The following PPFIBP1 variants were observed in gnomAD, a reference collection of about 807,000 sequenced individuals.
The protein encoded by PPFIBP1 is liprin-beta-1.
Under a neutral mutation model 137.8 loss-of-function variants are expected in PPFIBP1, and 112 were observed. That is an observed-to-expected ratio of 0.81 (90% confidence interval 0.70 to 0.95). The LOEUF (loss-of-function observed/expected upper bound fraction) is 0.95. Among genes scored for constraint, PPFIBP1 ranks in the 40% least tolerant of loss-of-function variants. The pLI, the probability that PPFIBP1 is intolerant of heterozygous loss-of-function variation, is 0.00. For missense variants in PPFIBP1, 1,083 were observed against 1,196.6 expected (o/e 0.91, Z 1.40); for synonymous variants, 378 against 417.3 (o/e 0.91, Z 1.15).
At chr12:27,625,489 T>C (rs1403888146) in intron 2 of PPFIBP1, among the ~76,000 whole-genome samples, 7 of 151,994 alleles carry the variant, frequency 4.6e-5, no homozygotes, top group Non-Finnish European at 1.0e-4. Flanking sequence ...TTAATAACCT[T>C]AGAATGACAG....
intron 1 of PPFIBP1, among the ~76,000 whole-genome samples, chr12:27,529,805 A>G (rs755092088): frequency 3.3e-5 from 5 of 152,238 alleles, no homozygotes; most frequent in Non-Finnish European, 5.9e-5. Context: ...TTTGGGGAAG[A>G]ACTAGGTAGG....
intron 1 of PPFIBP1, chr12:27,549,219 A>G (rs974258284): frequency 3.7e-5 from 5 of 136,340 alleles, no homozygotes; most frequent in African/African-American, 1.2e-4. Context: ...TATGTGCACC[A>G]TTTCTTCTGC....
chr12:27,595,889 ATATATAT>A (rs1231562132), intron 2 of PPFIBP1, among the ~76,000 whole-genome samples: 1,375 of 89,026 alleles, frequency 0.015, 13 homozygotes, highest in South Asian at 0.049. Flanking sequence ...ACAACAAAAT[ATATATAT>A]ATATATATAT....
chr12:27,621,343 G>A (rs1248324564), intron 2 of PPFIBP1, among the ~76,000 whole-genome samples: 1 of 152,192 alleles, frequency 6.6e-6, no homozygotes, highest in Non-Finnish European at 1.5e-5. Flanking sequence ...ATAATTTTTG[G>A]CTTTACTTTC....
At chr12:27,642,009 G>T (rs889335419) in intron 4 of PPFIBP1, among the ~76,000 whole-genome samples, 6 of 150,922 alleles carry the variant, frequency 4.0e-5, no homozygotes, top group Non-Finnish European at 8.9e-5. Flanking sequence ...AGATGGTGAA[G>T]GGAAAAGTAG....
intron 6 of PPFIBP1, among the ~76,000 whole-genome samples, chr12:27,649,183 G>A (rs2058725695): frequency 6.6e-6 from 1 of 152,162 alleles, no homozygotes; most frequent in South Asian, 2.1e-4. Flanking sequence ...TAAGGTCATG[G>A]ATGGAGTATG....
chr12:27,578,644 G>A (rs2050780115), intron 2 of PPFIBP1, among the ~76,000 whole-genome samples: 1 of 152,150 alleles, frequency 6.6e-6, no homozygotes, highest in Non-Finnish European at 1.5e-5. Flanking sequence ...AGTAGGCTTA[G>A]AATATGAGGT....
chr12:27,573,070 A>G (rs2050270608), intron 1 of PPFIBP1, among the ~76,000 whole-genome samples: 1 of 152,210 alleles, frequency 6.6e-6, no homozygotes, highest in Non-Finnish European at 1.5e-5. Context: ...CATGTAACTA[A>G]CACAGCCCAA....
At chr12:27,671,632 A>G in intron 14 of PPFIBP1, 86 bp downstream of exon 14, 1 of 823,160 alleles carries the variant, frequency 1.2e-6, no homozygotes, top group Non-Finnish European at 1.9e-6. Flanking sequence ...ATTTACAGAC[A>G]CAATTTTTAC....
chr12:27,676,963 G>C (rs1380903015), intron 18 of PPFIBP1, 101 bp from the exon 19 acceptor site: 1 of 1,470,198 alleles, frequency 6.8e-7, no homozygotes. Flanking sequence ...TCCACGGTGT[G>C]TATTTGGCGA....
intron 2 of PPFIBP1, among the ~76,000 whole-genome samples, chr12:27,587,662 G>C (rs1157052872): frequency 2.0e-5 from 3 of 146,814 alleles, no homozygotes; most frequent in South Asian, 2.2e-4. Context: ...TGTCATACAA[G>C]TGTAACAGAT....
Position 27,542,854 on chromosome 12 carries a change from C to T in PPFIBP1, c.-124+18489C>T, listed in dbSNP as rs913775573. Among the ~76,000 whole-genome samples, 10 of 152,260 alleles carry T rather than the reference C, an allele frequency of 6.6e-5. 1 individual carries two copies. Among genetic ancestry groups the T allele is most frequent in the Non-Finnish European group, 8.8e-5 (6 of 68,018 alleles). On this transcript the variant is annotated intron_variant, in intron 1 of 29. Transcript: ENST00000228425. ...TTTGTCTACGTGTTCATGTAAAAAG[C>T]ACAGACGGCTCTCTTGAAGGGCAAT...
chr12:27,635,093 T>C lies in PPFIBP1; in HGVS notation c.248T>C (p.Val83Ala), dbSNP rs769961101. The change falls in exon 4 of 30, where the codon GTT becomes GCT. Residue 83 changes from valine (V) to alanine (A), a missense_variant. Val to Ala is a moderately conservative substitution (Grantham distance 64). Coordinates refer to ENST00000228425, the MANE Select transcript of PPFIBP1 (RefSeq NM_003622.4). ...QIPDSTAETL[V>A]EWLQSQMTNG... is the part of the protein sequence containing the mutation. ...CCAGATTCAACAGCAGAAACGCTTG[T>C]TGAATGGCTTCAGAGTCAAATGGTA... 2.5e-6 allele frequency: 4 copies of C among 1,614,198 alleles called. No individual in the cohort carries two copies. The Admixed American group carries it at 5.0e-5, about 20-fold the overall frequency.
chr12:27,629,502 G>T (rs2057113182), intron 2 of PPFIBP1, among the ~76,000 whole-genome samples: 1 of 152,018 alleles, frequency 6.6e-6, no homozygotes, highest in African/African-American at 2.4e-5. Context: ...TACAGTACAT[G>T]GTCCTTTCTG....
intron 1 of PPFIBP1, among the ~76,000 whole-genome samples, chr12:27,553,305 G>A: frequency 6.6e-6 from 1 of 152,162 alleles, no homozygotes; most frequent in East Asian, 1.9e-4. Flanking sequence ...GTCCAGCTGG[G>A]CCGGGGATGG....
chr12:27,640,678 G>C lies in PPFIBP1; in HGVS notation c.271-5384G>C, dbSNP rs1383311373. ...GGGGAGCGGAGTACTGCCACTGCCT[G>C]GTTGCTTGGTTTCCAGCATCACTGA... On this transcript the variant is annotated intron_variant, in intron 4 of 29. Coordinates refer to ENST00000228425, the MANE Select transcript of PPFIBP1 (RefSeq NM_003622.4). Among the ~76,000 whole-genome samples, 7 of 151,930 alleles carry C rather than the reference G, an allele frequency of 4.6e-5. No homozygotes were observed. In the East Asian group the frequency reaches 1.4e-3, roughly 29 times the overall value.
intron 1 of PPFIBP1, among the ~76,000 whole-genome samples, chr12:27,542,762 A>G (rs569902627): frequency 6.6e-6 from 1 of 152,224 alleles, no homozygotes; most frequent in Non-Finnish European, 1.5e-5. Context: ...CATCTCTCAA[A>G]TCCTTATGCT....
At chr12:27,650,402 A>G (rs1465142138) in intron 7 of PPFIBP1, among the ~76,000 whole-genome samples, 1 of 152,170 alleles carries the variant, frequency 6.6e-6, no homozygotes, top group Non-Finnish European at 1.5e-5. Context: ...CTTTAGAAAT[A>G]CTTTTGACTT....
chr12:27,636,403 C>T (rs1340713048), intron 4 of PPFIBP1: 2 of 152,134 alleles, frequency 1.3e-5, no homozygotes, highest in African/African-American at 4.8e-5. Context: ...TGTTTCCTGA[C>T]ATATTCCTTA....
Sources: allele counts gnomAD v4.1 joint callset (sites outside exome capture counted in the v4.1 genomes callset), GRCh38; gene constraint gnomAD v4.1.1; transcripts MANE v1.5; gene names NCBI Gene and HGNC (gene_info 2026-07-23, HGNC 2026-07-21).